The following GLB1L3 variants were observed in gnomAD, a reference collection of about 807,000 sequenced individuals.
GLB1L3 encodes the protein beta-galactosidase-1-like protein 3.
In GLB1L3, 89 loss-of-function variants were observed where a neutral mutation model predicts 89.5. The ratio of observed to expected loss-of-function variants is 0.99; its 90% CI spans 0.84 to 1.19. GLB1L3 has a LOEUF of 1.19. Among genes scored for constraint, GLB1L3 ranks in the 50% most tolerant of loss-of-function variants. The pLI, the probability that GLB1L3 is intolerant of heterozygous loss-of-function variation, is 0.00. For synonymous variants in GLB1L3, 314 were observed against 312.3 expected, an observed-to-expected ratio of 1.01 and a Z score of -0.06; for missense variants, 812 against 813.3, an observed-to-expected ratio of 1.00 and a Z score of 0.02.
chr11:134,309,617 C>T lies in GLB1L3; in HGVS notation c.962-9C>T, dbSNP rs1942622831. 1 of 1,583,408 alleles carries T rather than the reference C, an allele frequency of 6.3e-7. No homozygotes were observed. The highest frequency in any genetic ancestry group is 8.6e-7 in the Non-Finnish European group (1 of 1,159,894). Reference sequence around the variant, plus strand: ...AACATTCTCTGTGTTCTCATGTTCCCCTTTGCAGAGGTTGAACATGCTGTG... The same window carrying T: ...AACATTCTCTGTGTTCTCATGTTCCTCTTTGCAGAGGTTGAACATGCTGTG... On this transcript the variant is annotated splice_polypyrimidine_tract_variant and intron_variant, in intron 10 of 19. Coordinates refer to ENST00000431683, the MANE Select transcript of GLB1L3 (RefSeq NM_001080407.3).
chr11:134,278,285 AT>A (rs1252842434), intron 3 of GLB1L3, among the ~76,000 whole-genome samples: 83 of 134,342 alleles, frequency 6.2e-4, no homozygotes, highest in African/African-American at 1.9e-3. Context: ...ACAAAAAAAA[AT>A]TTTTTTTTTT....
intron 10 of GLB1L3, among the ~76,000 whole-genome samples, chr11:134,308,196 TC>T (rs2136198570): frequency 1.5e-5 from 1 of 68,814 alleles, no homozygotes; most frequent in Non-Finnish European, 2.6e-5. Context: ...ATCATCACCA[TC>T]ACCACTACCA....
At chr11:134,298,456 A>G (rs1272492337) in intron 9 of GLB1L3, among the ~76,000 whole-genome samples, 1 of 152,164 alleles carries the variant, frequency 6.6e-6, no homozygotes, top group African/African-American at 2.4e-5. Flanking sequence ...ATGTAAAATG[A>G]TAATACATTA....
intron 3 of GLB1L3, 62 bp downstream of exon 3, chr11:134,277,974 C>T (rs1940474430): frequency 1.3e-6 from 2 of 1,543,486 alleles, no homozygotes; most frequent in Non-Finnish European, 8.8e-7. Flanking sequence ...TGGCCGGGAA[C>T]CTGAGCCTCC....
At chr11:134,290,006 G>A (rs1358456805) in intron 7 of GLB1L3, among the ~76,000 whole-genome samples, 1 of 152,220 alleles carries the variant, frequency 6.6e-6, no homozygotes, top group African/African-American at 2.4e-5. Flanking sequence ...GGAAGGAGAG[G>A]GGTCCCCAGC....
At chr11:134,302,392 T>C (rs545208927) in intron 9 of GLB1L3, among the ~76,000 whole-genome samples, 1 of 152,366 alleles carries the variant, frequency 6.6e-6, no homozygotes, top group East Asian at 1.9e-4. Context: ...TTTTCTGATT[T>C]ATATTTTTAT....
intron 7 of GLB1L3, chr11:134,289,139 G>A: frequency 2.5e-6 from 1 of 394,338 alleles, no homozygotes; most frequent in East Asian, 4.6e-5. Context: ...ATAAACAGTC[G>A]ATTAATGCAG....
chr11:134,313,286 C>T, intron 15 of GLB1L3, 110 bp from the exon 16 acceptor site: 1 of 755,970 alleles, frequency 1.3e-6, no homozygotes, highest in East Asian at 2.7e-5. Flanking sequence ...GGCCCTGGAG[C>T]CTCCTGTTCT....
At chr11:134,307,372 TAGA>T (rs757437071) in intron 10 of GLB1L3, among the ~76,000 whole-genome samples, 164 bp downstream of exon 10, 29 of 152,158 alleles carry the variant, frequency 1.9e-4, no homozygotes, top group Non-Finnish European at 3.2e-4. Context: ...CTCTGGTGGA[TAGA>T]AATTACATGG....
chr11:134,311,187 C>G lies in GLB1L3; in HGVS notation c.1287+17C>G. Reference sequence around the variant, plus strand: ...TTAAATGAGGTGCGTGCTGCCTGGCCACAGGAGGCGGAGTGGCCATTGGAG... The same window carrying G: ...TTAAATGAGGTGCGTGCTGCCTGGCGACAGGAGGCGGAGTGGCCATTGGAG... On this transcript the variant is annotated intron_variant, in intron 13 of 19. Coordinates refer to ENST00000431683, the MANE Select transcript of GLB1L3 (RefSeq NM_001080407.3). 3.8e-6 allele frequency: 6 copies of G among 1,592,448 alleles called. No homozygotes were observed. Among genetic ancestry groups the G allele is most frequent in the Non-Finnish European group, 5.2e-6 (6 of 1,160,538 alleles).
chr11:134,277,264 G>A (rs1940424860), intron 1 of GLB1L3, 62 bp from the exon 2 acceptor site: 1 of 1,609,972 alleles, frequency 6.2e-7, no homozygotes, highest in Non-Finnish European at 8.5e-7. Context: ...CAGCTTCCCG[G>A]CCCTTGCAGC....
At chr11:134,308,489 T>C (rs781682000) in intron 10 of GLB1L3, among the ~76,000 whole-genome samples, 74 of 6,056 alleles carry the variant, frequency 0.012, 4 homozygotes, top group African/African-American at 0.029. Flanking sequence ...ACCACCACCA[T>C]CACCACCAAA....
At chr11:134,288,154 T>C (rs1012770736) in intron 6 of GLB1L3, among the ~76,000 whole-genome samples, 1 of 152,176 alleles carries the variant, frequency 6.6e-6, no homozygotes, top group Non-Finnish European at 1.5e-5. Flanking sequence ...GATGGCAGGA[T>C]GGGCTGGAAG....
chr11:134,305,845 TC>T (rs1334128913), intron 9 of GLB1L3, among the ~76,000 whole-genome samples: 1 of 152,088 alleles, frequency 6.6e-6, no homozygotes, highest in Non-Finnish European at 1.5e-5. Flanking sequence ...AAATTAAAAA[TC>T]TAATATTTGA....
intron 17 of GLB1L3, 104 bp downstream of exon 17, chr11:134,314,132 G>A: frequency 1.2e-6 from 1 of 852,250 alleles, no homozygotes; most frequent in Non-Finnish European, 1.9e-6. Flanking sequence ...ACTGAGTGAT[G>A]TACTCCAGGC....
downstream of GLB1L3, among the ~76,000 whole-genome samples, chr11:134,321,874 A>C (rs494930): frequency 6.6e-6 from 1 of 151,722 alleles, no homozygotes; most frequent in African/African-American, 2.4e-5. Context: ...CATATGTAAC[A>C]AACCTGCACG....
rs529607268 is a variant in GLB1L3 at position 134,277,595 on chromosome 11, C to T, written c.150-105C>T. ...TACTAACATATGCACAGAACACGTC[C>T]TACTAACAAAAACTTCTTTTCGCTA... On this transcript the variant is annotated intron_variant, in intron 2 of 19. Transcript: ENST00000431683. 54 of 1,511,210 alleles carry T rather than the reference C, an allele frequency of 3.6e-5. No individual in the cohort carries two copies. In the African/African-American group the frequency reaches 5.7e-4, roughly 16 times the overall value. The allele number at this position is 1,511,210 out of a possible 1,614,324, so 93.6% of individuals were successfully genotyped here.
chr11:134,308,361 A>G (rs1591579121), intron 10 of GLB1L3, among the ~76,000 whole-genome samples: 1 of 75,338 alleles, frequency 1.3e-5, no homozygotes, highest in East Asian at 3.6e-4. Context: ...CACCACTACC[A>G]CCACCACCAC....
intron 6 of GLB1L3, among the ~76,000 whole-genome samples, chr11:134,284,703 T>G (rs1366364813): frequency 6.6e-6 from 1 of 151,996 alleles, no homozygotes; most frequent in Non-Finnish European, 1.5e-5. Context: ...CACTCCAGCC[T>G]GGGCAACAGA....
Sources: allele counts gnomAD v4.1 joint callset (sites outside exome capture counted in the v4.1 genomes callset), GRCh38; gene constraint gnomAD v4.1.1; transcripts MANE v1.5; gene names NCBI Gene and HGNC (gene_info 2026-07-23, HGNC 2026-07-21).